Variants in RASAL2 observed in about 807,000 individuals in gnomAD.
The protein encoded by RASAL2 is RAS protein activator like 2, also known as ras GTPase-activating protein nGAP.
Under a neutral mutation model 128.9 loss-of-function variants are expected in RASAL2, and 58 were observed. The observed-to-expected ratio is 0.45, with a 90% CI of 0.36 to 0.56. The LOEUF (loss-of-function observed/expected upper bound fraction) is 0.56. Ranked by LOEUF, RASAL2 falls within the 20% of genes least tolerant of loss-of-function variation. The probability of loss-of-function intolerance (pLI) is 0.00; values close to 1 mark genes in which losing one functional copy is unlikely to be tolerated. For synonymous variants in RASAL2, 561 were observed against 580.8 expected (o/e 0.97, Z 0.49); for missense variants, 1,360 against 1,601.6 (o/e 0.85, Z 2.57).
intron 3 of RASAL2, among the ~76,000 whole-genome samples, chr1:178,381,139 C>G (rs1467758169): frequency 6.6e-6 from 1 of 152,086 alleles, no homozygotes; most frequent in African/African-American, 2.4e-5. Context: ...ACTAAATATG[C>G]AAAGTAGGGC....
intron 3 of RASAL2, among the ~76,000 whole-genome samples, chr1:178,374,986 C>T (rs1671910957): frequency 6.6e-6 from 1 of 151,958 alleles, no homozygotes; most frequent in Non-Finnish European, 1.5e-5. Flanking sequence ...GAACTACGCA[C>T]AAGTTAAATG....
intron 17 of RASAL2, 26 bp from the exon 18 acceptor site, chr1:178,473,049 A>G: frequency 1.2e-6 from 2 of 1,613,036 alleles, no homozygotes; most frequent in Non-Finnish European, 1.7e-6. Context: ...TGTAGCCTGA[A>G]TAAAGCCATG....
chr1:178,384,799 GAA>G (rs1191150035), intron 3 of RASAL2, among the ~76,000 whole-genome samples: 1 of 150,822 alleles, frequency 6.6e-6, no homozygotes, highest in Non-Finnish European at 1.5e-5. Flanking sequence ...TCTTTTAAAA[GAA>G]AAAAAATTTA....
chr1:178,245,147 G>A (rs184883472), intron 1 of RASAL2, among the ~76,000 whole-genome samples: 171 of 152,264 alleles, frequency 1.1e-3, no homozygotes, highest in African/African-American at 3.9e-3. Context: ...TTGAGGAATC[G>A]CCACACTGTC....
At chr1:178,189,598 A>G (rs944839078) in intron 1 of RASAL2, among the ~76,000 whole-genome samples, 3 of 152,212 alleles carry the variant, frequency 2.0e-5, no homozygotes, top group African/African-American at 4.8e-5. Context: ...AATATGTTCT[A>G]CACAACCCAA....
chr1:178,199,381 A>G (rs1201371096), intron 1 of RASAL2, among the ~76,000 whole-genome samples: 2 of 152,192 alleles, frequency 1.3e-5, no homozygotes, highest in Non-Finnish European at 2.9e-5. Flanking sequence ...CCTGTCTTCT[A>G]CGTTGATCAT....
chr1:178,311,908 A>T (rs1163277593), intron 3 of RASAL2, among the ~76,000 whole-genome samples: 1 of 152,186 alleles, frequency 6.6e-6, no homozygotes, highest in Non-Finnish European at 1.5e-5. Context: ...AACTTTAAAA[A>T]AATGATTGAT....
intron 4 of RASAL2, chr1:178,411,823 G>C: frequency 1.3e-6 from 1 of 767,944 alleles, no homozygotes; most frequent in Non-Finnish European, 2.4e-6. Context: ...CAAGGAGCCA[G>C]GTATCACTGC....
At chr1:178,317,579 T>A (rs1197822669) in intron 3 of RASAL2, among the ~76,000 whole-genome samples, 3 of 150,094 alleles carry the variant, frequency 2.0e-5, no homozygotes, top group Non-Finnish European at 4.5e-5. Flanking sequence ...TTTATTTGCG[T>A]AGAGGTGTTT....
At chr1:178,310,188 A>G (rs1243847696) in intron 3 of RASAL2, among the ~76,000 whole-genome samples, 1 of 152,226 alleles carries the variant, frequency 6.6e-6, no homozygotes, top group Non-Finnish European at 1.5e-5. Context: ...ATTGATAGAC[A>G]GGATATGTGA....
intron 1 of RASAL2, among the ~76,000 whole-genome samples, chr1:178,162,388 A>T (rs1322819940): frequency 8.7e-6 from 1 of 114,882 alleles, no homozygotes; most frequent in Non-Finnish European, 1.7e-5. Flanking sequence ...TTTATATATT[A>T]TATATATTAT....
chr1:178,439,356 T>C (rs1676469338), intron 5 of RASAL2, 66 bp from the exon 6 acceptor site: 2 of 1,390,696 alleles, frequency 1.4e-6, no homozygotes, highest in Non-Finnish European at 9.8e-7. Flanking sequence ...TATCCTCCAT[T>C]GCATTAGACC....
In RASAL2 at chr1:178,285,103, C is replaced by CTTTT. The variant is rs58901015; in HGVS notation, c.330+1437_330+1440dup. Among the ~76,000 whole-genome samples, 287 of 81,934 alleles carry CTTTT rather than the reference C, an allele frequency of 3.5e-3. 16 individuals carry two copies. The highest frequency in any genetic ancestry group is 6.7e-3 in the African/African-American group (110 of 16,456). 53.8% of individuals were successfully genotyped at this position (81,934 alleles called of 152,430 possible). A position where few individuals can be genotyped will look rare whatever the true frequency, so the allele number is the denominator to read the frequency against. ...GTATTTTAATAGGCATTGCTACTTT[C>CTTTT]TTTTTTTTTTTTTTTTTTTTTTTTT... On this transcript the variant is annotated intron_variant, in intron 2 of 17. Transcript: ENST00000367649.
chr1:178,337,578 A>C (rs1039026231), intron 3 of RASAL2, among the ~76,000 whole-genome samples: 8 of 152,158 alleles, frequency 5.3e-5, no homozygotes, highest in African/African-American at 1.7e-4. Context: ...GAGGAAGCAC[A>C]TGTAAGCTCA....
intron 1 of RASAL2, among the ~76,000 whole-genome samples, chr1:178,229,438 T>G (rs149828890): frequency 1.3e-5 from 2 of 152,256 alleles, no homozygotes; most frequent in East Asian, 3.9e-4. Context: ...GTCCTGATCC[T>G]GACATTTTTG....
At chr1:178,302,210 A>G (rs927000853) in intron 3 of RASAL2, among the ~76,000 whole-genome samples, 4 of 152,194 alleles carry the variant, frequency 2.6e-5, no homozygotes, top group Non-Finnish European at 5.9e-5. Context: ...ATTGCTGTAT[A>G]TGTAACATTC....
intron 3 of RASAL2, among the ~76,000 whole-genome samples, chr1:178,341,212 G>A (rs1354329138): frequency 6.6e-6 from 1 of 152,166 alleles, no homozygotes; most frequent in African/African-American, 2.4e-5. Context: ...TTCTTAAAGT[G>A]CACAGATTCA....
At chr1:178,439,645 C>T (rs16852807) in intron 6 of RASAL2, 70 bp downstream of exon 6, 71,893 of 1,464,574 alleles carry the variant, frequency 0.049, 2,001 homozygotes, top group South Asian at 0.077. Flanking sequence ...AGTAATTTTG[C>T]GATTTCATTG....
At chr1:178,471,125 T>A (rs1217087940) in intron 17 of RASAL2, among the ~76,000 whole-genome samples, 1 of 152,242 alleles carries the variant, frequency 6.6e-6, no homozygotes, top group Admixed American at 6.5e-5. Flanking sequence ...AAATTTTTTA[T>A]GAATTATTTA....
Sources: allele counts gnomAD v4.1 joint callset (sites outside exome capture counted in the v4.1 genomes callset), GRCh38; gene constraint gnomAD v4.1.1; transcripts MANE v1.5; gene names NCBI Gene and HGNC (gene_info 2026-07-23, HGNC 2026-07-21).